The following KLF17 variants were observed in gnomAD, a reference collection of about 807,000 sequenced individuals.
KLF17 encodes the protein Krueppel-like factor 17.
A neutral mutation model predicts 34.2 loss-of-function variants in KLF17; 31 were observed. That is an observed-to-expected ratio of 0.91 (90% CI 0.68 to 1.22). KLF17 has a LOEUF of 1.22. Ranked by LOEUF, KLF17 falls within the 50% of genes most tolerant of loss-of-function variation. The pLI, the probability that KLF17 is intolerant of heterozygous loss-of-function variation, is 0.00. For missense variants in KLF17, 478 were observed against 505.2 expected, an observed-to-expected ratio of 0.95 and a Z score of 0.52; for synonymous variants, 179 against 186.7, an observed-to-expected ratio of 0.96 and a Z score of 0.34.
At chr1:44,130,880 C>T (rs1571994520) in intron 3 of KLF17, 124 bp downstream of exon 3, 1 of 882,384 alleles carries the variant, frequency 1.1e-6, no homozygotes, top group East Asian at 2.6e-5. Flanking sequence ...ACTGCACCTT[C>T]CACCTCCCAG....
the KLF17 span, among the ~76,000 whole-genome samples, chr1:44,099,907 AAGAAAGAAAG>A: frequency 1.4e-5 from 1 of 69,528 alleles, no homozygotes; most frequent in Non-Finnish European, 3.3e-5. Context: ...GAAAGAAAGA[AAGAAAGAAAG>A]AAAAGAAAGG....
chr1:44,089,415 A>G, the KLF17 span, among the ~76,000 whole-genome samples: 6 of 152,202 alleles, frequency 3.9e-5, no homozygotes, highest in African/African-American at 1.4e-4. Context: ...CTGTACATCA[A>G]AGTGTTCTAA....
the KLF17 span, among the ~76,000 whole-genome samples, chr1:44,108,342 T>C: frequency 6.6e-6 from 1 of 152,244 alleles, no homozygotes; most frequent in Non-Finnish European, 1.5e-5. Context: ...GCATTGGAAC[T>C]TTACTTTTGC....
the KLF17 span, among the ~76,000 whole-genome samples, chr1:44,100,478 A>AG: frequency 3.9e-5 from 6 of 152,076 alleles, no homozygotes; most frequent in Admixed American, 3.3e-4. Flanking sequence ...TCTAAGAATG[A>AG]GGGGGGGAAC....
At chr1:44,090,306 CAAAAAAAAAAAAAAAA>C in the KLF17 span, among the ~76,000 whole-genome samples, 19 of 23,416 alleles carry the variant, frequency 8.1e-4, 1 homozygote, top group African/African-American at 3.3e-3. Context: ...CTTGTCTCTA[CAAAAAAAAAAAAAAAA>C]AAAAAAAAAA....
intron 1 of KLF17, among the ~76,000 whole-genome samples, chr1:44,123,581 AT>A (rs929964733): frequency 6.6e-6 from 1 of 151,536 alleles, no homozygotes; most frequent in African/African-American, 2.4e-5. Flanking sequence ...AGTTTCATTG[AT>A]TTTTTTCATT....
the KLF17 span, chr1:44,044,146 A>T: frequency 0.022 from 3,367 of 152,486 alleles, 50 homozygotes; most frequent in Non-Finnish European, 0.036. Context: ...CTCTCCATGT[A>T]TGCCTTCTGT....
At chr1:44,065,518 T>G in the KLF17 span, among the ~76,000 whole-genome samples, 60 of 148,874 alleles carry the variant, frequency 4.0e-4, no homozygotes, top group Non-Finnish European at 7.9e-4. Context: ...CGAGTGATTC[T>G]CATGCCTCAG....
At chr1:44,096,539 C>T in the KLF17 span, among the ~76,000 whole-genome samples, 3 of 151,712 alleles carry the variant, frequency 2.0e-5, no homozygotes, top group African/African-American at 7.3e-5. Flanking sequence ...GCTGGGACTA[C>T]AGGCGCCCAC....
At chr1:44,050,281 G>A in the KLF17 span, among the ~76,000 whole-genome samples, 1 of 152,172 alleles carries the variant, frequency 6.6e-6, no homozygotes, top group African/African-American at 2.4e-5. Context: ...GAGGTAGGAG[G>A]CAGGACTTGG....
chr1:44,107,802 T>C, the KLF17 span, among the ~76,000 whole-genome samples: 1,143 of 152,350 alleles, frequency 7.5e-3, 20 homozygotes, highest in African/African-American at 0.026. Context: ...TTTTATTTTA[T>C]TATTACTGTT....
the KLF17 span, among the ~76,000 whole-genome samples, chr1:44,091,068 G>T: frequency 3.9e-5 from 6 of 152,096 alleles, no homozygotes; most frequent in African/African-American, 1.4e-4. Flanking sequence ...TTTTGTATTT[G>T]TAGGTTATAT....
chr1:44,118,899 CCAGTCTTCATGTACGGCCGACCG>C lies in KLF17; in HGVS notation c.-5_18del. The C allele has an allele frequency of 6.2e-7, 1 of 1,609,016 alleles. No individual in the cohort carries two copies. The highest frequency in any genetic ancestry group is 8.5e-7 in the Non-Finnish European group (1 of 1,177,918). On this transcript the variant is annotated start_lost and 5_prime_UTR_variant, in exon 1 of 4. Transcript: ENST00000372299. Reference sequence around the variant, plus strand: ...CTTCAGTAGAGAGTCTAGACCCCACCCAGTCTTCATGTACGGCCGACCGCAGGCTGAGATGGAACAGGAGGCTG... The same window carrying C: ...CTTCAGTAGAGAGTCTAGACCCCACCCAGGCTGAGATGGAACAGGAGGCTG...
the KLF17 span, among the ~76,000 whole-genome samples, chr1:44,085,900 C>G: frequency 2.0e-5 from 3 of 149,808 alleles, no homozygotes. Flanking sequence ...TGTGGAGGAA[C>G]CAGTAAAGCT....
the KLF17 span, chr1:44,103,530 T>G: frequency 1.5e-6 from 2 of 1,309,378 alleles, no homozygotes; most frequent in Non-Finnish European, 2.2e-6. Context: ...GCTGGTGGTC[T>G]TCGTATGGAT....
chr1:44,080,460 C>G, the KLF17 span, among the ~76,000 whole-genome samples: 25 of 149,974 alleles, frequency 1.7e-4, no homozygotes, highest in African/African-American at 2.2e-4. Flanking sequence ...GTATGGTCTC[C>G]ATCTCCTGAC....
rs35952182 is a variant in KLF17, at chr1:44,124,495, A to ATTTTT, written c.82-4843_82-4839dup. Among the ~76,000 whole-genome samples, 7 of 112,402 alleles carry ATTTTT rather than the reference A, an allele frequency of 6.2e-5. 1 individual carries two copies. The highest frequency in any genetic ancestry group is 4.9e-3 in the Middle Eastern group (1 of 204). 73.7% of individuals were successfully genotyped at this position (112,402 alleles called of 152,430 possible). On this transcript the variant is annotated intron_variant, in intron 1 of 3. Transcript: ENST00000372299. Reference sequence around the variant, plus strand: ...AGGCACGTGCCACCACACTTGGCTAATTTTTTTTTTTTTTTTTTTGAGATG... The same window carrying ATTTTT: ...AGGCACGTGCCACCACACTTGGCTAATTTTTTTTTTTTTTTTTTTTTTTTGAGATG...
the KLF17 span, among the ~76,000 whole-genome samples, chr1:44,089,829 A>G: frequency 1.3e-5 from 2 of 152,154 alleles, no homozygotes; most frequent in African/African-American, 2.4e-5. Flanking sequence ...CATGCATTGT[A>G]TGAGTGCTTC....
the KLF17 span, among the ~76,000 whole-genome samples, chr1:44,091,149 G>T: frequency 6.6e-6 from 1 of 151,922 alleles, no homozygotes; most frequent in African/African-American, 2.4e-5. Flanking sequence ...AATTTAAAAA[G>T]AATAATAAAC....
Sources: gnomAD v4.1 joint callset for allele counts (sites outside exome capture counted in the v4.1 genomes callset) on GRCh38, gnomAD v4.1.1 for gene constraint, MANE v1.5 for transcripts, NCBI Gene and HGNC (gene_info 2026-07-23, HGNC 2026-07-21) for gene names.